The following MAST4 variants were observed in gnomAD, a reference collection of about 807,000 sequenced individuals.
The protein encoded by MAST4 is microtubule associated serine/threonine kinase family member 4, also known as microtubule-associated serine/threonine-protein kinase 4.
Under a neutral mutation model 162.7 loss-of-function variants are expected in MAST4, and 89 were observed. The ratio of observed to expected loss-of-function variants is 0.55; its 90% confidence interval spans 0.46 to 0.65. The LOEUF is 0.65. Ranked by LOEUF, MAST4 falls within the 30% of genes least tolerant of loss-of-function variation. MAST4 has a pLI of 0.00. For missense variants in MAST4, 3,153 were observed against 3,374.0 expected, an observed-to-expected ratio of 0.93 and a Z score of 1.62; for synonymous variants, 1,479 against 1,361.1, an observed-to-expected ratio of 1.09 and a Z score of -1.91.
chr5:66,899,822 T>C, intron 3 of MAST4, 129 bp from the exon 4 acceptor site: 1 of 655,804 alleles, frequency 1.5e-6, no homozygotes, highest in Non-Finnish European at 2.4e-6. Context: ...GACATTAAAA[T>C]GTTTTCAGTA....
chr5:67,005,231 T>A lies in MAST4; in HGVS notation c.675-49173T>A. 3.1e-6 allele frequency: 2 copies of A among 647,216 alleles called. 1 individual carries two copies. The highest frequency in any genetic ancestry group is 7.1e-4 in the Middle Eastern group (2 of 2,806). The allele number at this position is 647,216 out of a possible 1,614,324, so 40.1% of individuals were successfully genotyped here. A position where few individuals can be genotyped will look rare whatever the true frequency, so the allele number is the denominator to read the frequency against. On this transcript the variant is annotated intron_variant, in intron 4 of 28. Coordinates refer to ENST00000403625, the MANE Select transcript of MAST4 (RefSeq NM_001164664.2). Reference sequence around the variant, plus strand: ...GTTTATGCCCCGCTAGGGGAGGGGGTACTGTTTCAGGTATTTCTTCGTCCT... The same window carrying A: ...GTTTATGCCCCGCTAGGGGAGGGGGAACTGTTTCAGGTATTTCTTCGTCCT...
intron 4 of MAST4, among the ~76,000 whole-genome samples, chr5:66,969,114 G>A (rs921996469): frequency 1.3e-5 from 2 of 152,160 alleles, no homozygotes; most frequent in African/African-American, 4.8e-5. Flanking sequence ...GTGAATTGGG[G>A]GCTGCTTTTA....
chr5:66,655,947 T>G (rs963150546), intron 1 of MAST4, among the ~76,000 whole-genome samples: 1 of 152,232 alleles, frequency 6.6e-6, no homozygotes, highest in African/African-American at 2.4e-5. Context: ...TTTTTTTAAC[T>G]TGGAAAATAT....
chr5:66,621,903 A>G (rs560967131), intron 1 of MAST4, among the ~76,000 whole-genome samples: 55 of 152,288 alleles, frequency 3.6e-4, no homozygotes, highest in Non-Finnish European at 6.6e-4. Context: ...TGTGGGCCAG[A>G]TGGTTTTTGT....
At chr5:67,054,652 T>C (rs1758588214) in intron 5 of MAST4, among the ~76,000 whole-genome samples, 160 bp downstream of exon 5, 1 of 152,238 alleles carries the variant, frequency 6.6e-6, no homozygotes, top group Admixed American at 6.5e-5. Flanking sequence ...AGCCCAGATC[T>C]TATCCTCTCT....
At chr5:66,919,929 C>T (rs1210987886) in intron 4 of MAST4, among the ~76,000 whole-genome samples, 1 of 126,570 alleles carries the variant, frequency 7.9e-6, no homozygotes, top group African/African-American at 3.2e-5. Flanking sequence ...TCCTTCCTTC[C>T]TTCCTTCCTT....
chr5:66,665,049 A>G (rs570403235), intron 1 of MAST4, among the ~76,000 whole-genome samples: 1 of 152,332 alleles, frequency 6.6e-6, no homozygotes, highest in Non-Finnish European at 1.5e-5. Flanking sequence ...AAAGGTGGAA[A>G]AGAACAGAGT....
chr5:66,970,142 CT>C (rs976482144), intron 4 of MAST4, among the ~76,000 whole-genome samples: 16 of 152,162 alleles, frequency 1.1e-4, no homozygotes, highest in African/African-American at 3.6e-4. Context: ...GCAGTCTCAG[CT>C]GTCACTGGGG....
chr5:66,757,276 A>G (rs1753597465), intron 1 of MAST4, among the ~76,000 whole-genome samples: 1 of 152,204 alleles, frequency 6.6e-6, no homozygotes, highest in South Asian at 2.1e-4. Flanking sequence ...GCTGTCACTC[A>G]TAATTAAGAG....
intron 4 of MAST4, among the ~76,000 whole-genome samples, chr5:66,907,692 C>T (rs1268580588): frequency 6.7e-6 from 1 of 150,370 alleles, no homozygotes; most frequent in East Asian, 2.0e-4. Flanking sequence ...AAAATACTGC[C>T]TTGACTGCCT....
intron 1 of MAST4, among the ~76,000 whole-genome samples, chr5:66,600,436 G>T (rs995203516): frequency 2.4e-4 from 37 of 152,252 alleles, no homozygotes; most frequent in African/African-American, 6.8e-4. Flanking sequence ...ACCCTGTGAT[G>T]ACTTTAAGAA....
intron 3 of MAST4, among the ~76,000 whole-genome samples, chr5:66,817,486 C>G (rs1019057819): frequency 1.4e-4 from 21 of 152,156 alleles, no homozygotes; most frequent in African/African-American, 4.3e-4. Context: ...AGCCTATGTT[C>G]AATAAAGCTC....
chr5:66,935,825 A>G (rs7722382), intron 4 of MAST4, among the ~76,000 whole-genome samples: 22,792 of 151,776 alleles, frequency 0.15, 3,269 homozygotes, highest in African/African-American at 0.38. Context: ...GTGCCACCAC[A>G]CCCAGCTAAT....
At chr5:66,705,442 G>A (rs989259844) in intron 1 of MAST4, among the ~76,000 whole-genome samples, 6 of 152,134 alleles carry the variant, frequency 3.9e-5, no homozygotes, top group Non-Finnish European at 7.4e-5. Flanking sequence ...AATGATAAAA[G>A]GAAATCTGAG....
chr5:66,755,033 C>T (rs932650034), intron 1 of MAST4, among the ~76,000 whole-genome samples: 4 of 152,088 alleles, frequency 2.6e-5, no homozygotes, highest in African/African-American at 9.7e-5. Context: ...AGAAGGACTC[C>T]AGCTGTGGAA....
chr5:66,838,445 G>C (rs957617345), intron 3 of MAST4, among the ~76,000 whole-genome samples: 1 of 152,162 alleles, frequency 6.6e-6, no homozygotes, highest in African/African-American at 2.4e-5. Context: ...AGAGAACTGT[G>C]TGCTGTGTCT....
At chr5:66,652,254 A>G (rs1400536982) in intron 1 of MAST4, among the ~76,000 whole-genome samples, 1 of 152,192 alleles carries the variant, frequency 6.6e-6, no homozygotes, top group Admixed American at 6.5e-5. Context: ...TCATCCAAGA[A>G]GACTATCTGA....
At chr5:66,737,678 T>C (rs1752233159) in intron 1 of MAST4, among the ~76,000 whole-genome samples, 1 of 152,168 alleles carries the variant, frequency 6.6e-6, no homozygotes, top group South Asian at 2.1e-4. Flanking sequence ...TGTGCTTTTA[T>C]GGAAGGAGCT....
chr5:66,997,160 ATATAT>A (rs1412193027), intron 4 of MAST4, among the ~76,000 whole-genome samples: 12 of 152,030 alleles, frequency 7.9e-5, no homozygotes, highest in Admixed American at 5.2e-4. Context: ...ATATCTATGT[ATATAT>A]TATATGTACA....
Sources: allele counts gnomAD v4.1 joint callset (sites outside exome capture counted in the v4.1 genomes callset), GRCh38; gene constraint gnomAD v4.1.1; transcripts MANE v1.5; gene names NCBI Gene and HGNC (gene_info 2026-07-23, HGNC 2026-07-21).